ZNF789: variants seen among roughly 807,000 people sequenced by gnomAD.
ZNF789 encodes the protein zinc finger protein 789.
In ZNF789, 11 loss-of-function variants were observed where a neutral mutation model predicts 15.6. That is an observed-to-expected ratio of 0.70 (90% CI 0.44 to 1.16). ZNF789 has a LOEUF of 1.16. Ranked by LOEUF, ZNF789 falls within the 50% of genes most tolerant of loss-of-function variation. The probability of loss-of-function intolerance (pLI) is 0.00; values close to 1 mark genes in which losing one functional copy is unlikely to be tolerated. For synonymous variants in ZNF789, 159 were observed against 176.0 expected (o/e 0.90, Z 0.76); for missense variants, 461 against 512.6 (o/e 0.90, Z 0.97).
chr7:99,479,463 AC>A, intron 2 of ZNF789, 197 bp from the exon 3 acceptor site: 1 of 474,000 alleles, frequency 2.1e-6, no homozygotes, highest in Non-Finnish European at 3.5e-6. Context: ...AATTGTGTCG[AC>A]CCCGTGGTAT....
chr7:99,481,108 C>T (rs1244174646), intron 3 of ZNF789: 2 of 152,202 alleles, frequency 1.3e-5, no homozygotes, highest in Admixed American at 6.5e-5. Context: ...TATGTGCAAT[C>T]CTGTAATCTG....
chr7:99,484,234 C>A, intron 4 of ZNF789, 91 bp downstream of exon 4: 1 of 991,856 alleles, frequency 1.0e-6, no homozygotes, highest in Non-Finnish European at 1.6e-6. Flanking sequence ...GACGCTGAGC[C>A]AGGTGCTGGG....
intron 1 of ZNF789, among the ~76,000 whole-genome samples, chr7:99,474,564 A>C (rs942246041): frequency 7.9e-5 from 12 of 152,044 alleles, no homozygotes; most frequent in Non-Finnish European, 1.5e-4. Context: ...ACTGCACTCC[A>C]GCCTGGGCGA....
rs10274095 is a variant in ZNF789 at position 99,476,976 on chromosome 7, C to T, written c.24+496C>T. On this transcript the variant is annotated intron_variant, in intron 2 of 4. Transcript: ENST00000331410. ...ATAAATTCTGAACTGTTCCTATGAA[C>T]GGGTATAATGGAAGGTCAGTTATTG... 5.1e-3 allele frequency among the ~76,000 whole-genome samples: 773 copies of T among 151,818 alleles called. 4 individuals are homozygous for T. Among genetic ancestry groups the T allele is most frequent in the African/African-American group, 0.017 (713 of 41,356 alleles).
Position 99,487,033 on chromosome 7 carries a change from C to A in ZNF789, c.823C>A (p.His275Asn). ...CFRQLAYLVE[H>N]KRIHTKEKPY... ...TCGGCAGCTCGCGTATCTTGTTGAA[C>A]ATAAGAGGATTCACACCAAAGAAAA... The change falls in exon 5 of 5, where the codon CAT becomes AAT. Residue 275 changes from histidine to asparagine, a missense_variant. Transcript: ENST00000331410. 6.2e-7 allele frequency: 1 copy of A among 1,614,010 alleles called. No individual in the cohort carries two copies. Among genetic ancestry groups the A allele is most frequent in the Non-Finnish European group, 8.5e-7 (1 of 1,180,020 alleles).
Position 99,479,707 on chromosome 7 carries a change from A to C in ZNF789, c.71A>C (p.Glu24Ala), listed in dbSNP as rs1159940356. The change falls in exon 3 of 5, where the codon GAG becomes GCG. Residue 24 changes from glutamate (E) to alanine (A), a missense_variant. Physicochemically the swap from Glu to Ala is moderately radical, Grantham distance 107. Transcript: ENST00000331410. ...EDVAMYFTRE[E>A]WGHLNWGQKD... ...GTGGCGATGTACTTCACCAGAGAGGAGTGGGGCCACCTCAACTGGGGTCAG... is the reference window on the plus strand; with the variant it reads ...GTGGCGATGTACTTCACCAGAGAGGCGTGGGGCCACCTCAACTGGGGTCAG... The C allele has an allele frequency of 6.2e-7, 1 of 1,613,690 alleles. No individual in the cohort carries two copies. The highest frequency in any genetic ancestry group is 8.5e-7 in the Non-Finnish European group (1 of 1,179,884).
chr7:99,482,691 C>G (rs1158927876), intron 3 of ZNF789, among the ~76,000 whole-genome samples: 1 of 151,366 alleles, frequency 6.6e-6, no homozygotes, highest in African/African-American at 2.4e-5. Flanking sequence ...CCTGTCTCTA[C>G]TAAAAATTCA....
At chr7:99,482,510 T>C (rs533133957) in intron 3 of ZNF789, among the ~76,000 whole-genome samples, 2 of 152,286 alleles carry the variant, frequency 1.3e-5, no homozygotes, top group Admixed American at 6.5e-5. Flanking sequence ...CTGTATTAAT[T>C]ACTTATACAC....
At chr7:99,482,203 G>A (rs145755292) in intron 3 of ZNF789, 69 of 779,094 alleles carry the variant, frequency 8.9e-5, no homozygotes, top group Admixed American at 1.5e-4. Context: ...TGTGCTGAAC[G>A]TCTCTGGCAC....
chr7:99,473,929 T>A (rs75416189), intron 1 of ZNF789, among the ~76,000 whole-genome samples: 2 of 152,150 alleles, frequency 1.3e-5, no homozygotes, highest in African/African-American at 4.8e-5. Context: ...CTGTTGTTTT[T>A]AAGAGAGACA....
chr7:99,483,599 G>C lies in ZNF789; in HGVS notation c.152-431G>C, dbSNP rs1562886129. On this transcript the variant is annotated intron_variant, in intron 3 of 4. Coordinates refer to ENST00000331410, the MANE Select transcript of ZNF789 (RefSeq NM_213603.3). ...TGCGCCAAGACTGTCACTCCAGCCT[G>C]GGTGACAGAGCAAGACTCTGTCTCA... is the stretch of plus-strand genomic sequence containing the variant. 8.9e-6 allele frequency: 6 copies of C among 673,194 alleles called. No individual in the cohort carries two copies. The African/African-American group carries it at 1.1e-4, about 12-fold the overall frequency. 41.7% of individuals were successfully genotyped at this position (673,194 alleles called of 1,614,324 possible). A position where few individuals can be genotyped will look rare whatever the true frequency, so the allele number is the denominator to read the frequency against.
intron 2 of ZNF789, 186 bp from the exon 3 acceptor site, chr7:99,479,475 G>A (rs1340108627): frequency 3.8e-6 from 2 of 528,162 alleles, no homozygotes; most frequent in African/African-American, 3.9e-5. Flanking sequence ...CCCGTGGTAT[G>A]GAAGCCAGCA....
chr7:99,479,709 T>G lies in ZNF789; in HGVS notation c.73T>G (p.Trp25Gly). ...GGCGATGTACTTCACCAGAGAGGAG[T>G]GGGGCCACCTCAACTGGGGTCAGAA... Reference protein sequence around the residue: ...DVAMYFTREEWGHLNWGQKDL... With the variant: ...DVAMYFTREEGGHLNWGQKDL... Residue 25 changes from tryptophan (W) to glycine (G), a missense_variant, in exon 3 of 5, where the codon TGG (tryptophan) becomes GGG (glycine). By Grantham distance (184) the Trp-to-Gly change is radical. Transcript: ENST00000331410. 6.2e-7 allele frequency: 1 copy of G among 1,613,750 alleles called. No homozygotes were observed. The highest frequency in any genetic ancestry group is 8.5e-7 in the Non-Finnish European group (1 of 1,179,874).
At chr7:99,482,377 T>C (rs973738741) in intron 3 of ZNF789, 2 of 649,302 alleles carry the variant, frequency 3.1e-6, no homozygotes, top group African/African-American at 3.6e-5. Context: ...TAACTGTGTG[T>C]TGTGCACCTG....
intron 3 of ZNF789, chr7:99,483,553 C>A: frequency 1.7e-6 from 1 of 596,562 alleles, no homozygotes; most frequent in Admixed American, 2.5e-5. Context: ...ATTACTTGAT[C>A]CTGGGAGGCA....
intron 3 of ZNF789, chr7:99,482,086 C>T: frequency 2.6e-6 from 2 of 772,526 alleles, no homozygotes; most frequent in East Asian, 2.4e-5. Context: ...AAGAAATTCA[C>T]TTATGTTTCA....
chr7:99,472,979 G>T lies in ZNF789; in HGVS notation c.-132G>T, dbSNP rs1173905181. On this transcript the variant is annotated 5_prime_UTR_variant, in exon 1 of 5. Coordinates refer to ENST00000331410, the MANE Select transcript of ZNF789 (RefSeq NM_213603.3). Reference sequence around the variant, plus strand: ...AGGGGCGCGGACCAGACAGACCTCGGGTCAGGCCCGGGAACCCCGAGAGGA... The same window carrying T: ...AGGGGCGCGGACCAGACAGACCTCGTGTCAGGCCCGGGAACCCCGAGAGGA... 1 of 152,386 alleles carries T rather than the reference G, an allele frequency of 6.6e-6. No homozygotes were observed. The highest frequency in any genetic ancestry group is 2.4e-5 in the African/African-American group (1 of 41,466). The allele number at this position is 152,386 out of a possible 1,614,324, so 9.4% of individuals were successfully genotyped here.
chr7:99,483,557 G>A, intron 3 of ZNF789: 1 of 603,568 alleles, frequency 1.7e-6, no homozygotes, highest in South Asian at 1.8e-5. Flanking sequence ...CTTGATCCTG[G>A]GAGGCAGAGG....
At chr7:99,478,302 CA>C in intron 2 of ZNF789, 1 of 1,289,536 alleles carries the variant, frequency 7.8e-7, no homozygotes, top group Non-Finnish European at 1.0e-6. Context: ...CTGAGTAGGT[CA>C]GATTGAGGAC....
Sources: allele counts gnomAD v4.1 joint callset (sites outside exome capture counted in the v4.1 genomes callset), GRCh38; gene constraint gnomAD v4.1.1; transcripts MANE v1.5; gene names NCBI Gene and HGNC (gene_info 2026-07-23, HGNC 2026-07-21).